Variants in DRAXIN observed in about 807,000 individuals in gnomAD.
DRAXIN encodes dorsal repulsive axon guidance protein.
Under a neutral mutation model 33.9 loss-of-function variants are expected in DRAXIN, and 27 were observed. The observed-to-expected ratio is 0.80, with a 90% CI of 0.59 to 1.10. DRAXIN has a LOEUF of 1.10. DRAXIN is among the 50% of genes least tolerant of loss of function. The pLI is 0.00. For synonymous variants in DRAXIN, 178 were observed against 194.0 expected, an observed-to-expected ratio of 0.92 and a Z score of 0.69; for missense variants, 371 against 460.8, an observed-to-expected ratio of 0.81 and a Z score of 1.78.
intron 2 of DRAXIN, among the ~76,000 whole-genome samples, chr1:11,707,064 G>A (rs920101498): frequency 1.3e-5 from 2 of 152,064 alleles, no homozygotes; most frequent in South Asian, 4.1e-4. Flanking sequence ...AGCCGGGCGC[G>A]ATGGTGGGCG....
At chr1:11,703,219 C>T (rs1166373426) in intron 1 of DRAXIN, among the ~76,000 whole-genome samples, 1 of 152,216 alleles carries the variant, frequency 6.6e-6, no homozygotes, top group Non-Finnish European at 1.5e-5. Context: ...CACAAAATGA[C>T]ACACGAGGTC....
In DRAXIN at chr1:11,712,334, C is replaced by T; in HGVS notation, c.758-6C>T. On this transcript the variant is annotated splice_polypyrimidine_tract_variant and splice_region_variant and intron_variant, in intron 4 of 6. Transcript: ENST00000294485. Reference sequence around the variant, plus strand: ...AGCTTCTGACGACAGATCTTCTTATCCCCAGAGAAACACCGCGGTAAACTC... The same window carrying T: ...AGCTTCTGACGACAGATCTTCTTATTCCCAGAGAAACACCGCGGTAAACTC... 6.2e-6 allele frequency: 10 copies of T among 1,614,036 alleles called. No individual in the cohort carries two copies. The highest frequency in any genetic ancestry group is 8.5e-6 in the Non-Finnish European group (10 of 1,179,964).
chr1:11,714,477 C>T (rs768152235), intron 5 of DRAXIN, among the ~76,000 whole-genome samples: 6 of 152,222 alleles, frequency 3.9e-5, no homozygotes, highest in Admixed American at 1.3e-4. Flanking sequence ...AGCTGGAGGC[C>T]GCCAGCAAGT....
intron 1 of DRAXIN, among the ~76,000 whole-genome samples, chr1:11,697,215 A>G (rs1641207831): frequency 6.6e-6 from 1 of 152,144 alleles, no homozygotes; most frequent in African/African-American, 2.4e-5. Flanking sequence ...TTGGGCTGAC[A>G]TCTGTGAGCT....
chr1:11,712,554 A>G, intron 5 of DRAXIN, 125 bp downstream of exon 5: 1 of 889,162 alleles, frequency 1.1e-6, no homozygotes, highest in Non-Finnish European at 1.8e-6. Flanking sequence ...ATAAATAATA[A>G]CAACAGCTGC....
At chr1:11,713,405 A>G (rs12565097) in intron 5 of DRAXIN, among the ~76,000 whole-genome samples, 51,174 of 152,068 alleles carry the variant, frequency 0.34, 9,024 homozygotes, top group East Asian at 0.53. Flanking sequence ...GCAGGGCTTA[A>G]TGCTGTCCTT....
chr1:11,709,488 C>T (rs374534893), intron 3 of DRAXIN, 23 bp downstream of exon 3: 112 of 1,603,396 alleles, frequency 7.0e-5, no homozygotes, highest in Non-Finnish European at 7.9e-5. Flanking sequence ...CAAACAGCCT[C>T]GGATCTGGAA....
At chr1:11,712,734 A>C (rs1641514172) in intron 5 of DRAXIN, among the ~76,000 whole-genome samples, 1 of 151,818 alleles carries the variant, frequency 6.6e-6, no homozygotes, top group Admixed American at 6.6e-5. Flanking sequence ...CCCCATCGCT[A>C]CTAAAAATAT....
At chr1:11,695,048 G>A (rs1281670193) in intron 1 of DRAXIN, among the ~76,000 whole-genome samples, 2 of 152,142 alleles carry the variant, frequency 1.3e-5, no homozygotes, top group East Asian at 1.9e-4. Context: ...CCCAGCTCAT[G>A]CCACCTTCCC....
Position 11,711,969 on chromosome 1 carries a change from T to C in DRAXIN, c.757+4T>C. 1.2e-6 allele frequency: 2 copies of C among 1,610,166 alleles called. No individual in the cohort carries two copies. Among genetic ancestry groups the C allele is most frequent in the East Asian group, 2.2e-5 (1 of 44,816 alleles). On this transcript the variant is annotated splice_donor_region_variant and intron_variant, in intron 4 of 6. Coordinates refer to ENST00000294485, the MANE Select transcript of DRAXIN (RefSeq NM_198545.4). The stretch of plus-strand genomic sequence containing the variant: ...TGGCCCTCTGCAAAGAAGAAAGGTA[T>C]GCCCACCTACCCCACTATCTTCCAT...
upstream of DRAXIN, among the ~76,000 whole-genome samples, chr1:11,689,292 CAAAAAAAAAAAA>C (rs70983584): frequency 5.9e-5 from 4 of 67,964 alleles, no homozygotes; most frequent in African/African-American, 1.9e-4. Context: ...GACTCTGTCT[CAAAAAAAAAAAA>C]AAAAAAAAAA....
At chr1:11,719,481 A>T in intron 6 of DRAXIN, 103 bp from the exon 7 acceptor site, 1 of 1,004,966 alleles carries the variant, frequency 1.0e-6, no homozygotes, top group Non-Finnish European at 1.5e-6. Context: ...AGGGCAGAAT[A>T]ATGAAGGCAG....
At position 11,719,564 on chromosome 1, in the gene DRAXIN, C is replaced by T. The variant is rs773171711; in HGVS notation, c.938-20C>T. The T allele has an allele frequency of 1.0e-5, 16 of 1,598,004 alleles. No individual in the cohort carries two copies. The highest frequency in any genetic ancestry group is 1.1e-5 in the Non-Finnish European group (13 of 1,171,606). ...ACGGGCCCTTCGCGCCTCTGACCCC[C>T]CTTGCCTCCACTCGCCCAGGGCTGC... On this transcript the variant is annotated intron_variant, in intron 6 of 6. Transcript: ENST00000294485.
chr1:11,689,864 C>T (rs1208613964), upstream of DRAXIN, among the ~76,000 whole-genome samples: 1 of 151,982 alleles, frequency 6.6e-6, no homozygotes, highest in East Asian at 1.9e-4. Context: ...GGTCCTATCC[C>T]AGCTCCCTGT....
At chr1:11,701,769 C>T (rs1174510150) in intron 1 of DRAXIN, among the ~76,000 whole-genome samples, 1 of 152,146 alleles carries the variant, frequency 6.6e-6, no homozygotes, top group Non-Finnish European at 1.5e-5. Flanking sequence ...CCTCCTTCTG[C>T]CTGGTTGCCT....
Position 11,715,229 on chromosome 1 carries a change from G to C in DRAXIN, c.937+21G>C, listed in dbSNP as rs774252232. The C allele has an allele frequency of 2.4e-5, 38 of 1,613,866 alleles. No homozygotes were observed. In the Admixed American group the frequency reaches 4.2e-4, roughly 18 times the overall value. On this transcript the variant is annotated intron_variant, in intron 6 of 6. Coordinates refer to ENST00000294485, the MANE Select transcript of DRAXIN (RefSeq NM_198545.4). ...GGAAGGTGGGTCCAGACTCCTTTGC[G>C]GGGGGCTACCCATGCTCTGAGAACC... is the stretch of plus-strand genomic sequence containing the variant.
rs145868167 is a variant in DRAXIN at position 11,697,059 on chromosome 1, AC to A, written c.-11+5207del. ...TTAATAATTAAAAAAAAAAAAAAAAACAACTTTTACTCCCCAATCCTCATGA... is the reference window on the plus strand; with the variant it reads ...TTAATAATTAAAAAAAAAAAAAAAAAAACTTTTACTCCCCAATCCTCATGA... On this transcript the variant is annotated intron_variant, in intron 1 of 6. Coordinates refer to ENST00000294485, the MANE Select transcript of DRAXIN (RefSeq NM_198545.4). Among the ~76,000 whole-genome samples the A allele has an allele frequency of 6.7e-3, 939 of 140,844 alleles. 11 individuals are homozygous for A. Among genetic ancestry groups the A allele is most frequent in the African/African-American group, 0.021 (807 of 37,676 alleles). 92.4% of individuals were successfully genotyped at this position (140,844 alleles called of 152,430 possible).
In DRAXIN at chr1:11,705,087, A is replaced by C. The variant is rs927610800; in HGVS notation, c.-10-1162A>C. On this transcript the variant is annotated intron_variant, in intron 1 of 6. Coordinates refer to ENST00000294485, the MANE Select transcript of DRAXIN (RefSeq NM_198545.4). The surrounding 1 kb of genome is among the most constrained non-coding windows in gnomAD (Gnocchi z 4.8). ...AGGCGCCGGGAAGCAGGGAAACATCACAGGCCCACCAACCTTTTCTCAGCC... is the reference window on the plus strand; with the variant it reads ...AGGCGCCGGGAAGCAGGGAAACATCCCAGGCCCACCAACCTTTTCTCAGCC... Among the ~76,000 whole-genome samples, 1 of 152,238 alleles carries C rather than the reference A, an allele frequency of 6.6e-6. No individual in the cohort carries two copies. The highest frequency in any genetic ancestry group is 1.5e-5 in the Non-Finnish European group (1 of 68,034).
At chr1:11,690,113 T>G (rs1236308060), upstream of DRAXIN, among the ~76,000 whole-genome samples, 23 of 152,142 alleles carry the variant, frequency 1.5e-4, no homozygotes, top group Admixed American at 1.4e-3. This position sits in a 1 kb window ranked among gnomAD's most constrained non-coding sequence, Gnocchi z 4.2. Context: ...TGCTTTACTT[T>G]TCTTCATAGC....
Sources: gnomAD v4.1 joint callset for allele counts (sites outside exome capture counted in the v4.1 genomes callset) on GRCh38, gnomAD v4.1.1 for gene constraint, Gnocchi (gnomAD v3.1) non-coding constraint, MANE v1.5 for transcripts, NCBI Gene and HGNC (gene_info 2026-07-23, HGNC 2026-07-21) for gene names.